Variants in DLGAP4 observed in about 807,000 individuals in gnomAD.
The protein encoded by DLGAP4 is DLG associated protein 4, also known as disks large-associated protein 4.
Under a neutral mutation model 86.9 loss-of-function variants are expected in DLGAP4, and 18 were observed. The observed-to-expected ratio is 0.21, with a 90% CI of 0.14 to 0.31. DLGAP4 has a LOEUF of 0.31. DLGAP4 is among the 10% of genes least tolerant of loss of function. The pLI, the probability that DLGAP4 is intolerant of heterozygous loss-of-function variation, is 1.00. For synonymous variants in DLGAP4, 548 were observed against 574.3 expected, an observed-to-expected ratio of 0.95 and a Z score of 0.65; for missense variants, 1,085 against 1,362.6, an observed-to-expected ratio of 0.80 and a Z score of 3.21.
At chr20:36,356,353 C>G (rs1308295807) in intron 1 of DLGAP4, among the ~76,000 whole-genome samples, 2 of 152,102 alleles carry the variant, frequency 1.3e-5, no homozygotes, top group African/African-American at 4.8e-5. Context: ...GCTCTGTCAC[C>G]CAGGCTGGAG....
At chr20:36,437,950 C>G (rs927721029) in intron 4 of DLGAP4, among the ~76,000 whole-genome samples, 2 of 152,138 alleles carry the variant, frequency 1.3e-5, no homozygotes, top group Admixed American at 6.5e-5. Context: ...CTATGTCGCC[C>G]AGGTTGGAGT....
chr20:36,477,065 G>A (rs2034977799), intron 7 of DLGAP4, among the ~76,000 whole-genome samples: 1 of 151,418 alleles, frequency 6.6e-6, no homozygotes, highest in Non-Finnish European at 1.5e-5. Context: ...TAACTCTTAT[G>A]GTAGTGATTA....
intron 7 of DLGAP4, among the ~76,000 whole-genome samples, chr20:36,466,315 C>T (rs988680765): frequency 1.3e-5 from 2 of 152,306 alleles, no homozygotes; most frequent in African/African-American, 2.4e-5. Flanking sequence ...AATGAGAACT[C>T]GTGTAGTAAC....
chr20:36,389,344 C>G (rs528806473), intron 2 of DLGAP4, among the ~76,000 whole-genome samples: 1 of 152,302 alleles, frequency 6.6e-6, no homozygotes, highest in African/African-American at 2.4e-5. Context: ...CGAGTACCAG[C>G]TCTGGCTGTT....
intron 2 of DLGAP4, among the ~76,000 whole-genome samples, chr20:36,384,259 G>A (rs920242720): frequency 6.6e-6 from 1 of 152,062 alleles, no homozygotes; most frequent in African/African-American, 2.4e-5. Flanking sequence ...CGACGCCTGG[G>A]GGTGCTGTCC....
intron 1 of DLGAP4, among the ~76,000 whole-genome samples, chr20:36,349,429 A>AG (rs1555893288): frequency 6.6e-6 from 1 of 152,096 alleles, no homozygotes; most frequent in Admixed American, 6.6e-5. Context: ...AAAAAAAAAA[A>AG]AAAAAGTGAG....
chr20:36,446,975 T>A, intron 7 of DLGAP4, 38 bp downstream of exon 7: 1 of 1,566,662 alleles, frequency 6.4e-7, no homozygotes, highest in African/African-American at 1.4e-5. Context: ...TTTTTTCTTT[T>A]CAAGGGGACC....
chr20:36,333,654 G>A lies in DLGAP4; in HGVS notation c.-304+27142G>A, dbSNP rs151224825. 1.7e-3 allele frequency among the ~76,000 whole-genome samples: 254 copies of A among 152,304 alleles called. 1 individual carries two copies. Among genetic ancestry groups the A allele is most frequent in the Admixed American group, 2.3e-3 (35 of 15,302 alleles). On this transcript the variant is annotated intron_variant, in intron 1 of 12. Coordinates refer to ENST00000339266, the MANE Select transcript of DLGAP4 (RefSeq NM_001365621.2). Reference sequence around the variant, plus strand: ...TGTGGGTTGCTGTGTGACTCCCCGCGAACCACTCTGCCCTTCTGCCCTGCA... The same window carrying A: ...TGTGGGTTGCTGTGTGACTCCCCGCAAACCACTCTGCCCTTCTGCCCTGCA...
intron 2 of DLGAP4, among the ~76,000 whole-genome samples, chr20:36,405,453 T>C (rs1460384978): frequency 3.3e-5 from 5 of 152,176 alleles, no homozygotes; most frequent in Non-Finnish European, 7.4e-5. Context: ...TTCTAAGTAT[T>C]ATGTACACAT....
chr20:36,451,849 C>A (rs1275856730), intron 7 of DLGAP4, among the ~76,000 whole-genome samples: 1 of 151,648 alleles, frequency 6.6e-6, no homozygotes, highest in Non-Finnish European at 1.5e-5. Context: ...CAACCTCCGC[C>A]TCCTGGATTC....
chr20:36,468,385 T>G (rs2034512033), intron 7 of DLGAP4, among the ~76,000 whole-genome samples: 1 of 152,242 alleles, frequency 6.6e-6, no homozygotes, highest in South Asian at 2.1e-4. Flanking sequence ...GACTCATTTC[T>G]CAGGCTGCAG....
At chr20:36,391,787 G>A (rs1385059624) in intron 2 of DLGAP4, among the ~76,000 whole-genome samples, 14 of 152,218 alleles carry the variant, frequency 9.2e-5, no homozygotes, top group Admixed American at 9.2e-4. Flanking sequence ...TGGCAGAGGA[G>A]CTTCTGGGTG....
At chr20:36,422,903 C>T (rs140573980) in intron 2 of DLGAP4, among the ~76,000 whole-genome samples, 2 of 152,300 alleles carry the variant, frequency 1.3e-5, no homozygotes, top group Non-Finnish European at 2.9e-5. Flanking sequence ...TCGAGGCAGC[C>T]AGCTGCTTCC....
chr20:36,422,922 G>A (rs890644864), intron 2 of DLGAP4, among the ~76,000 whole-genome samples: 3 of 152,202 alleles, frequency 2.0e-5, no homozygotes, highest in African/African-American at 7.2e-5. Flanking sequence ...CCCCCTGCAA[G>A]GGCAAGGCCT....
intron 12 of DLGAP4, among the ~76,000 whole-genome samples, chr20:36,526,438 C>T (rs1234063574): frequency 6.6e-6 from 1 of 152,136 alleles, no homozygotes; most frequent in Non-Finnish European, 1.5e-5. Flanking sequence ...AACCGTGGCC[C>T]TGTCTAATCC....
At chr20:36,357,079 C>T (rs1260785173) in intron 1 of DLGAP4, among the ~76,000 whole-genome samples, 1 of 152,144 alleles carries the variant, frequency 6.6e-6, no homozygotes, top group Admixed American at 6.5e-5. Flanking sequence ...ACACATTTGA[C>T]GAAGCCTCCA....
intron 1 of DLGAP4, among the ~76,000 whole-genome samples, chr20:36,318,102 C>CCA (rs1343261250): frequency 2.0e-4 from 23 of 117,228 alleles, no homozygotes; most frequent in Middle Eastern, 4.3e-3. Context: ...ATAAATGTGT[C>CCA]CTCTCACACA....
chr20:36,482,813 T>A (rs2035248517), intron 7 of DLGAP4, among the ~76,000 whole-genome samples: 2 of 152,202 alleles, frequency 1.3e-5, no homozygotes, highest in African/African-American at 4.8e-5. Context: ...CTGGGATTAC[T>A]GGCATGAGAT....
chr20:36,510,524 C>T (rs1041013981), intron 10 of DLGAP4, among the ~76,000 whole-genome samples: 3 of 152,194 alleles, frequency 2.0e-5, no homozygotes, highest in African/African-American at 7.2e-5. Context: ...CTCGGCCTCC[C>T]AAAGTGCTGG....
Sources: gnomAD v4.1 joint callset for allele counts (sites outside exome capture counted in the v4.1 genomes callset) on GRCh38, gnomAD v4.1.1 for gene constraint, MANE v1.5 for transcripts, NCBI Gene and HGNC (gene_info 2026-07-23, HGNC 2026-07-21) for gene names.